Variants in EDA observed in about 807,000 individuals in gnomAD.
The protein encoded by EDA is ectodysplasin A.
Under a neutral mutation model 23.6 loss-of-function variants are expected in EDA, and 2 were observed. The ratio of observed to expected loss-of-function variants is 0.08; its 90% CI spans 0.03 to 0.27. The LOEUF (loss-of-function observed/expected upper bound fraction) is 0.27. Among genes scored for constraint, EDA ranks in the 10% least tolerant of loss-of-function variants. The pLI, the probability that EDA is intolerant of heterozygous loss-of-function variation, is 1.00. For missense variants in EDA, 229 were observed against 324.2 expected, an observed-to-expected ratio of 0.71 and a Z score of 2.26; for synonymous variants, 131 against 132.0, an observed-to-expected ratio of 0.99 and a Z score of 0.05.
intron 6 of EDA, 28 bp from the exon 7 acceptor site, chrX:70,033,370 T>C: frequency 8.3e-7 from 1 of 1,211,635 alleles, no homozygotes; most frequent in Non-Finnish European, 1.1e-6. Context: ...TGACATGTAC[T>C]GAGTGACTGC....
intron 1 of EDA, among the ~76,000 whole-genome samples, chrX:69,868,935 T>G (rs948854858): frequency 8.9e-6 from 1 of 112,399 alleles, no homozygotes; most frequent in South Asian, 3.7e-4. Context: ...AAGATCCATC[T>G]GTCTTCTGCA....
At position 70,022,471 on chromosome X, in the gene EDA, G is replaced by C. The variant is rs189018970; in HGVS notation, c.503-747G>C. 1.9e-4 allele frequency among the ~76,000 whole-genome samples: 21 copies of C among 109,281 alleles called. No individual in the cohort carries two copies. The East Asian group carries it at 5.7e-3, about 30-fold the overall frequency. The allele number at this position is 109,281 out of a possible 115,157, so 94.9% of individuals were successfully genotyped here. A position where few individuals can be genotyped will look rare whatever the true frequency, so the allele number is the denominator to read the frequency against. ...CCTGGCTCAGCCTTCCAAGTAGCTG[G>C]GACTACAGGCGCCCACCACCACGCC... On this transcript the variant is annotated intron_variant, in intron 2 of 7. Coordinates refer to ENST00000374552, the MANE Select transcript of EDA (RefSeq NM_001399.5).
At chrX:69,853,333 A>T (rs943372499) in intron 1 of EDA, among the ~76,000 whole-genome samples, 1 of 111,913 alleles carries the variant, frequency 8.9e-6, no homozygotes, top group African/African-American at 3.2e-5. Context: ...GAGGAATTGA[A>T]ATAAATTATA....
intron 1 of EDA, among the ~76,000 whole-genome samples, chrX:69,713,969 T>C (rs1211710240): frequency 9.0e-6 from 1 of 110,712 alleles, no homozygotes; most frequent in Non-Finnish European, 1.9e-5. Flanking sequence ...TACAATAATT[T>C]ATAATTTTAC....
chrX:69,820,479 T>C (rs1282597844), intron 1 of EDA, among the ~76,000 whole-genome samples: 1 of 111,827 alleles, frequency 8.9e-6, no homozygotes, highest in Non-Finnish European at 1.9e-5. Context: ...GGGAGAAAAG[T>C]TTTGCAATGT....
At chrX:69,873,844 C>A (rs181065630) in intron 1 of EDA, among the ~76,000 whole-genome samples, 13 of 111,741 alleles carry the variant, frequency 1.2e-4, no homozygotes, top group Admixed American at 1.9e-4. Flanking sequence ...CCAGTATCAC[C>A]CTAATGCCAA....
intron 2 of EDA, among the ~76,000 whole-genome samples, chrX:70,015,339 A>G (rs758770489): frequency 1.6e-4 from 18 of 111,933 alleles, no homozygotes; most frequent in Non-Finnish European, 3.4e-4. Flanking sequence ...TTGGGAGGCC[A>G]ACGCGGGTGG....
At chrX:69,681,863 G>T (rs1206722029) in intron 1 of EDA, among the ~76,000 whole-genome samples, 1 of 111,853 alleles carries the variant, frequency 8.9e-6, no homozygotes, top group East Asian at 2.8e-4. Context: ...CGTTGCTGGT[G>T]AGGAACTGTG....
rs540110779 is a variant in EDA, at chrX:69,873,263, T to A, written c.397-83764T>A. 7.3e-4 allele frequency among the ~76,000 whole-genome samples: 82 copies of A among 111,572 alleles called. 1 individual carries two copies. In the South Asian group the frequency reaches 0.03, roughly 41 times the overall value. On this transcript the variant is annotated intron_variant, in intron 1 of 7. Transcript: ENST00000374552. The stretch of plus-strand genomic sequence containing the variant: ...ATCAAAAGCAGTGCTAAGAGGAAAG[T>A]TCATAACATTAAATGCCTACATCAA...
chrX:69,755,865 G>T (rs372437947), intron 1 of EDA, among the ~76,000 whole-genome samples: 6 of 112,779 alleles, frequency 5.3e-5, no homozygotes, highest in Admixed American at 1.9e-4. Context: ...CTCCGAGCCA[G>T]GCATGGGATA....
At chrX:69,975,531 C>T (rs1228203707) in intron 2 of EDA, among the ~76,000 whole-genome samples, 1 of 111,076 alleles carries the variant, frequency 9.0e-6, no homozygotes, top group Non-Finnish European at 1.9e-5. Context: ...ACTATGCTCA[C>T]TATCTGGTGA....
At chrX:69,648,192 A>G (rs1006311248) in intron 1 of EDA, among the ~76,000 whole-genome samples, 1 of 111,987 alleles carries the variant, frequency 8.9e-6, no homozygotes, top group Admixed American at 9.4e-5. Flanking sequence ...CCACCGAAAG[A>G]AGCAGTCTGG....
At chrX:69,788,864 G>A (rs2015298606) in intron 1 of EDA, among the ~76,000 whole-genome samples, 1 of 113,051 alleles carries the variant, frequency 8.8e-6, no homozygotes, top group African/African-American at 3.2e-5. Flanking sequence ...AGCAAGCCTG[G>A]GCAATGGCGG....
At chrX:69,956,862 G>T (rs2019015788) in intron 1 of EDA, among the ~76,000 whole-genome samples, 165 bp from the exon 2 acceptor site, 1 of 111,815 alleles carries the variant, frequency 8.9e-6, no homozygotes, top group African/African-American at 3.3e-5. Context: ...GAATAATAAT[G>T]GTATCAAAAA....
intron 7 of EDA, among the ~76,000 whole-genome samples, chrX:70,034,122 C>T (rs951683506): frequency 3.6e-5 from 4 of 111,360 alleles, no homozygotes; most frequent in African/African-American, 9.8e-5. Flanking sequence ...GCCCTGGGCC[C>T]GCTCCCCAAG....
chrX:69,639,393 T>TGA (rs1435899662), intron 1 of EDA, among the ~76,000 whole-genome samples: 1 of 111,908 alleles, frequency 8.9e-6, no homozygotes, highest in Non-Finnish European at 1.9e-5. Context: ...CAGAGGTGTA[T>TGA]GAGGGTTCCA....
chrX:70,008,524 T>A (rs1395511336), intron 2 of EDA, among the ~76,000 whole-genome samples: 10 of 111,678 alleles, frequency 9.0e-5, no homozygotes, highest in African/African-American at 2.6e-4. Context: ...ATTATTTTAA[T>A]ACATTGTTGG....
At chrX:69,812,416 T>C (rs563247731) in intron 1 of EDA, among the ~76,000 whole-genome samples, 1 of 112,934 alleles carries the variant, frequency 8.9e-6, no homozygotes, top group East Asian at 2.8e-4. Flanking sequence ...ATCAGTGCAC[T>C]TGTATTCTGT....
intron 1 of EDA, among the ~76,000 whole-genome samples, chrX:69,890,863 A>G (rs1204755010): frequency 3.6e-5 from 4 of 112,090 alleles, no homozygotes; most frequent in Admixed American, 2.8e-4. Context: ...TGCCAAAGCA[A>G]TTGCAACAAA....
Sources: gnomAD v4.1 joint callset for allele counts (sites outside exome capture counted in the v4.1 genomes callset) on GRCh38, gnomAD v4.1.1 for gene constraint, MANE v1.5 for transcripts, NCBI Gene and HGNC (gene_info 2026-07-23, HGNC 2026-07-21) for gene names.